The following UNC13C variants were observed in gnomAD, a reference collection of about 807,000 sequenced individuals.
UNC13C encodes the protein protein unc-13 homolog C.
In UNC13C, 174 loss-of-function variants were observed where a neutral mutation model predicts 245.4. That is an observed-to-expected ratio of 0.71 (90% CI 0.63 to 0.80). UNC13C has a LOEUF of 0.80. UNC13C is among the 30% of genes least tolerant of loss of function. The pLI, the probability that UNC13C is intolerant of heterozygous loss-of-function variation, is 0.00. For missense variants in UNC13C, 2,829 were observed against 2,602.9 expected (o/e 1.09, Z -1.89); for synonymous variants, 992 against 895.1 (o/e 1.11, Z -1.93).
Position 54,204,306 on chromosome 15 carries a change from GA to G in UNC13C, c.3072-30709del, listed in dbSNP as rs71132787. 5.4e-3 allele frequency among the ~76,000 whole-genome samples: 679 copies of G among 124,874 alleles called. 3 individuals are homozygous for G. Among genetic ancestry groups the G allele is most frequent in the Non-Finnish European group, 8.0e-3 (494 of 61,636 alleles). The allele number at this position is 124,874 out of a possible 152,430, so 81.9% of individuals were successfully genotyped here. ...TATTGACATAAAAAGATTAAAAATT[GA>G]AAAAAAAAAAAAAACCAAAACCACC... On this transcript the variant is annotated intron_variant, in intron 4 of 32. Coordinates refer to ENST00000260323, the MANE Select transcript of UNC13C (RefSeq NM_001080534.3).
chr15:54,184,582 A>G (rs1453494789), intron 4 of UNC13C, among the ~76,000 whole-genome samples: 2 of 152,070 alleles, frequency 1.3e-5, no homozygotes, highest in Non-Finnish European at 1.5e-5. Flanking sequence ...CCATGTCCCT[A>G]CAAAGGACAT....
intron 25 of UNC13C, among the ~76,000 whole-genome samples, chr15:54,528,185 G>A (rs1005406574): frequency 6.6e-6 from 1 of 152,100 alleles, no homozygotes; most frequent in Non-Finnish European, 1.5e-5. Context: ...ATGCTCACAG[G>A]GCACCTACCT....
At chr15:54,422,506 T>C (rs976081818) in intron 19 of UNC13C, among the ~76,000 whole-genome samples, 2 of 152,040 alleles carry the variant, frequency 1.3e-5, no homozygotes, top group African/African-American at 4.8e-5. Context: ...GCGTATAATG[T>C]AGCATGTAGT....
intron 13 of UNC13C, among the ~76,000 whole-genome samples, chr15:54,310,088 T>C (rs1036751120): frequency 1.3e-5 from 2 of 151,806 alleles, no homozygotes; most frequent in Non-Finnish European, 2.9e-5. Flanking sequence ...ACAGTACTTT[T>C]TGACCTTTTT....
chr15:54,239,714 A>C (rs1158605606), intron 7 of UNC13C, among the ~76,000 whole-genome samples: 1 of 152,114 alleles, frequency 6.6e-6, no homozygotes, highest in East Asian at 1.9e-4. Flanking sequence ...AGCCTCCCAA[A>C]GTGCTGGGAT....
At chr15:54,417,015 C>T (rs543462694) in intron 19 of UNC13C, 12 of 456,308 alleles carry the variant, frequency 2.6e-5, no homozygotes, top group Admixed American at 4.7e-5. Context: ...AGATTTCCCT[C>T]ACCGCATTAT....
intron 11 of UNC13C, 138 bp from the exon 12 acceptor site, chr15:54,297,673 A>G (rs2037471648): frequency 1.5e-6 from 1 of 678,448 alleles, no homozygotes. Context: ...TTACTTAATA[A>G]GCAGCTCTGA....
chr15:53,891,766 G>C, the UNC13C span, among the ~76,000 whole-genome samples: 29 of 152,158 alleles, frequency 1.9e-4, no homozygotes, highest in African/African-American at 6.8e-4. Flanking sequence ...ATGCATGTGA[G>C]ATGGGTCTCC....
the UNC13C span, among the ~76,000 whole-genome samples, chr15:53,886,898 C>A: frequency 2.6e-5 from 4 of 152,206 alleles, no homozygotes; most frequent in South Asian, 8.3e-4. Context: ...CGCAATAGGG[C>A]AGCATCCTAC....
chr15:54,599,807 GCTT>G (rs776000844), intron 30 of UNC13C, among the ~76,000 whole-genome samples: 14 of 152,038 alleles, frequency 9.2e-5, no homozygotes, highest in Admixed American at 1.3e-4. Context: ...AAGGACATCT[GCTT>G]CTTTTCTTCT....
At chr15:53,866,215 G>T in the UNC13C span, among the ~76,000 whole-genome samples, 3 of 152,100 alleles carry the variant, frequency 2.0e-5, no homozygotes, top group Non-Finnish European at 2.9e-5. Context: ...TGGCAGTGAA[G>T]ACAAAACATT....
At chr15:54,604,918 T>C (rs1405156703) in intron 30 of UNC13C, among the ~76,000 whole-genome samples, 1 of 150,820 alleles carries the variant, frequency 6.6e-6, no homozygotes, top group Non-Finnish European at 1.5e-5. Context: ...AATTAACAAA[T>C]CTGCACTTCC....
chr15:53,944,083 T>C, the UNC13C span, among the ~76,000 whole-genome samples: 1 of 147,008 alleles, frequency 6.8e-6, no homozygotes, highest in African/African-American at 2.4e-5. Context: ...ATCTGTCTTT[T>C]AGTTAGTTTA....
chr15:54,297,521 T>A lies in UNC13C; in HGVS notation c.3989-290T>A, dbSNP rs1019559292. ...GCAAGCACCAACACACCTGCCTAAT[T>A]AAAAAAAAAAAATGTAGAGACTAGA... On this transcript the variant is annotated intron_variant, in intron 11 of 32. Coordinates refer to ENST00000260323, the MANE Select transcript of UNC13C (RefSeq NM_001080534.3). Among the ~76,000 whole-genome samples, 30 of 146,522 alleles carry A rather than the reference T, an allele frequency of 2.0e-4. 2 individuals are homozygous for A. In the South Asian group the frequency reaches 5.0e-3, roughly 24 times the overall value.
At chr15:54,008,240 G>T (rs1318946984) in intron 1 of UNC13C, among the ~76,000 whole-genome samples, 1 of 152,142 alleles carries the variant, frequency 6.6e-6, no homozygotes, top group Non-Finnish European at 1.5e-5. Context: ...CACACTTTCT[G>T]TTCAAATCTG....
intron 31 of UNC13C, 127 bp downstream of exon 31, chr15:54,622,546 C>A: frequency 1.6e-6 from 1 of 632,716 alleles, no homozygotes; most frequent in South Asian, 2.4e-5. Context: ...CACAAAATTT[C>A]CTAATGAAAC....
At chr15:54,041,904 T>C (rs1434066304) in intron 2 of UNC13C, among the ~76,000 whole-genome samples, 1 of 152,186 alleles carries the variant, frequency 6.6e-6, no homozygotes, top group African/African-American at 2.4e-5. Flanking sequence ...TATAGTGCCG[T>C]CAGTGATGAA....
intron 24 of UNC13C, among the ~76,000 whole-genome samples, chr15:54,514,921 G>A (rs753801998): frequency 2.2e-4 from 33 of 152,038 alleles, no homozygotes; most frequent in Non-Finnish European, 4.3e-4. Context: ...GGCCATGTCA[G>A]CACATTTACT....
intron 17 of UNC13C, among the ~76,000 whole-genome samples, chr15:54,382,311 G>A (rs1015335420): frequency 2.0e-5 from 3 of 152,134 alleles, no homozygotes; most frequent in Non-Finnish European, 2.9e-5. Flanking sequence ...TGGGCTCAGT[G>A]GCTCACTCCT....
Sources: gnomAD v4.1 joint callset for allele counts (sites outside exome capture counted in the v4.1 genomes callset) on GRCh38, gnomAD v4.1.1 for gene constraint, MANE v1.5 for transcripts, NCBI Gene and HGNC (gene_info 2026-07-23, HGNC 2026-07-21) for gene names.